Variants in PDSS2 observed in about 807,000 individuals in gnomAD.
The protein encoded by PDSS2 is decaprenyl diphosphate synthase subunit 2.
Under a neutral mutation model 44.5 loss-of-function variants are expected in PDSS2, and 31 were observed. That is an observed-to-expected ratio of 0.70 (90% CI 0.52 to 0.94). The LOEUF (loss-of-function observed/expected upper bound fraction) is 0.94. Among genes scored for constraint, PDSS2 ranks in the 40% least tolerant of loss-of-function variants. The pLI is 0.00. For synonymous variants in PDSS2, 157 were observed against 180.3 expected (o/e 0.87, Z 1.03); for missense variants, 452 against 482.2 (o/e 0.94, Z 0.59).
chr6:107,224,536 T>G (rs975606927), intron 4 of PDSS2, among the ~76,000 whole-genome samples: 3 of 151,398 alleles, frequency 2.0e-5, no homozygotes, highest in Non-Finnish European at 4.4e-5. Context: ...GCTTCAATAG[T>G]GCTGAGTTGT....
chr6:107,206,383 G>C (rs1582783640), intron 6 of PDSS2, among the ~76,000 whole-genome samples: 1 of 152,078 alleles, frequency 6.6e-6, no homozygotes, highest in Non-Finnish European at 1.5e-5. Context: ...GTTTCTAATA[G>C]AGATAAATAT....
chr6:107,311,367 T>C (rs1777040862), intron 2 of PDSS2, among the ~76,000 whole-genome samples: 1 of 151,868 alleles, frequency 6.6e-6, no homozygotes, highest in South Asian at 2.1e-4. Flanking sequence ...CCATCACTCC[T>C]GGTTAATTTT....
rs568951790 is a variant in PDSS2 at position 107,187,781 on chromosome 6, CAT to C, written c.1041+6039_1041+6040del. ...AACACGAATGTAATACTCATGCACA[CAT>C]GTTTGTCAAGCACTCCTATGTAAGC... is the stretch of plus-strand genomic sequence containing the variant. On this transcript the variant is annotated intron_variant, in intron 7 of 7. Transcript: ENST00000369037. Among the ~76,000 whole-genome samples, 14 of 152,260 alleles carry C rather than the reference CAT, an allele frequency of 9.2e-5. No individual in the cohort carries two copies. The South Asian group carries it at 1.2e-3, about 14-fold the overall frequency.
intron 1 of PDSS2, among the ~76,000 whole-genome samples, chr6:107,445,175 T>C (rs971049726): frequency 2.6e-5 from 4 of 151,066 alleles, no homozygotes; most frequent in African/African-American, 7.3e-5. Context: ...TAATTTTTTA[T>C]AAATTACATA....
At chr6:107,446,525 G>A (rs1781689143) in intron 1 of PDSS2, among the ~76,000 whole-genome samples, 2 of 152,056 alleles carry the variant, frequency 1.3e-5, no homozygotes, top group Admixed American at 1.3e-4. Context: ...TAGGTGTATA[G>A]AGTTCTTTGC....
chr6:107,417,351 A>G (rs539232875), intron 1 of PDSS2, among the ~76,000 whole-genome samples: 189 of 152,346 alleles, frequency 1.2e-3, no homozygotes, highest in African/African-American at 3.8e-3. Flanking sequence ...ACATGCTGAT[A>G]GTGTTACAAA....
chr6:107,163,718 T>A (rs1771232600), intron 7 of PDSS2, among the ~76,000 whole-genome samples: 1 of 152,046 alleles, frequency 6.6e-6, no homozygotes, highest in African/African-American at 2.4e-5. Flanking sequence ...TTCTCCTGCC[T>A]CAGCCTCCTG....
At chr6:107,161,312 C>G (rs1266084648) in intron 7 of PDSS2, among the ~76,000 whole-genome samples, 1 of 151,822 alleles carries the variant, frequency 6.6e-6, no homozygotes, top group Non-Finnish European at 1.5e-5. Flanking sequence ...AACCCCGTCT[C>G]TACTAAAAAT....
At chr6:107,453,461 A>G (rs1157200308) in intron 1 of PDSS2, among the ~76,000 whole-genome samples, 7 of 152,034 alleles carry the variant, frequency 4.6e-5, no homozygotes, top group Admixed American at 1.3e-4. Flanking sequence ...AGAGAAAGAA[A>G]AAAAAAAACT....
At chr6:107,186,439 A>G (rs913806027) in intron 7 of PDSS2, among the ~76,000 whole-genome samples, 20 of 152,124 alleles carry the variant, frequency 1.3e-4, no homozygotes, top group African/African-American at 3.4e-4. Flanking sequence ...GTGATGGGCC[A>G]TAAAGCCACA....
At chr6:107,394,307 C>T (rs1479709781) in intron 1 of PDSS2, among the ~76,000 whole-genome samples, 1 of 152,156 alleles carries the variant, frequency 6.6e-6, no homozygotes, top group Non-Finnish European at 1.5e-5. Flanking sequence ...AGTGGTTTAA[C>T]TGGCTTACGG....
intron 1 of PDSS2, among the ~76,000 whole-genome samples, chr6:107,371,094 C>T (rs1420457239): frequency 1.3e-5 from 2 of 151,826 alleles, no homozygotes; most frequent in South Asian, 2.1e-4. Flanking sequence ...GCAGGAGAAT[C>T]GCTTGAACCC....
intron 2 of PDSS2, among the ~76,000 whole-genome samples, chr6:107,300,194 G>A (rs773895536): frequency 3.9e-5 from 6 of 151,974 alleles, no homozygotes; most frequent in African/African-American, 9.7e-5. Flanking sequence ...ACTACAAATC[G>A]TTCTTCAAAT....
chr6:107,458,897 G>T, intron 1 of PDSS2, 93 bp downstream of exon 1: 1 of 1,085,694 alleles, frequency 9.2e-7, no homozygotes, highest in Non-Finnish European at 1.4e-6. Flanking sequence ...GATAAATCAG[G>T]AGCCAGTCTG....
intron 2 of PDSS2, among the ~76,000 whole-genome samples, chr6:107,309,924 G>A (rs1321906745): frequency 6.6e-6 from 1 of 152,090 alleles, no homozygotes; most frequent in Admixed American, 6.5e-5. Flanking sequence ...AAATACCACA[G>A]GCTGGGTGGC....
chr6:107,435,892 T>G (rs989747094), intron 1 of PDSS2, among the ~76,000 whole-genome samples: 2 of 152,146 alleles, frequency 1.3e-5, no homozygotes, highest in African/African-American at 4.8e-5. Flanking sequence ...GGAGAATAAT[T>G]TTTTAAAGCT....
chr6:107,327,390 A>T lies in PDSS2; in HGVS notation c.431+6808T>A, dbSNP rs78139250. Reference sequence around the variant, plus strand: ...GATACCAGAATTGAAGCTGCAGATAACAGAGGTGGGCAAAGAAAGTGTAGT... The same window carrying T: ...GATACCAGAATTGAAGCTGCAGATATCAGAGGTGGGCAAAGAAAGTGTAGT... On this transcript the variant is annotated intron_variant, in intron 2 of 7. Coordinates refer to ENST00000369037, the MANE Select transcript of PDSS2 (RefSeq NM_020381.4). Among the ~76,000 whole-genome samples the T allele has an allele frequency of 0.013, 2,009 of 152,332 alleles. 118 individuals carry two copies. In the East Asian group the frequency reaches 0.2, roughly 15 times the overall value.
chr6:107,207,286 C>T (rs1773014397), intron 6 of PDSS2, among the ~76,000 whole-genome samples: 1 of 152,134 alleles, frequency 6.6e-6, no homozygotes, highest in Admixed American at 6.5e-5. Context: ...GCCACCACAC[C>T]CGGCCTGAGT....
chr6:107,171,214 T>G (rs1771562940), intron 7 of PDSS2, among the ~76,000 whole-genome samples: 1 of 152,154 alleles, frequency 6.6e-6, no homozygotes, highest in Non-Finnish European at 1.5e-5. Flanking sequence ...TAGGCTGAAG[T>G]GCAGTAGCAA....
Sources: gnomAD v4.1 joint callset for allele counts (sites outside exome capture counted in the v4.1 genomes callset) on GRCh38, gnomAD v4.1.1 for gene constraint, MANE v1.5 for transcripts, NCBI Gene and HGNC (gene_info 2026-07-23, HGNC 2026-07-21) for gene names.